TTLL4: variants seen among roughly 807,000 people sequenced by gnomAD.
TTLL4 encodes tubulin monoglutamylase TTLL4.
Under a neutral mutation model 122.7 loss-of-function variants are expected in TTLL4, and 85 were observed. The ratio of observed to expected loss-of-function variants is 0.69; its 90% confidence interval spans 0.58 to 0.83. TTLL4 has a LOEUF of 0.83. Ranked by LOEUF, TTLL4 falls within the 40% of genes least tolerant of loss-of-function variation. The probability of loss-of-function intolerance (pLI) is 0.00; values close to 1 mark genes in which losing one functional copy is unlikely to be tolerated. For synonymous variants in TTLL4, 553 were observed against 563.0 expected (o/e 0.98, Z 0.25); for missense variants, 1,363 against 1,488.6 (o/e 0.92, Z 1.39).
intron 1 of TTLL4, among the ~76,000 whole-genome samples, chr2:218,719,432 T>C (rs1941967958): frequency 6.6e-6 from 1 of 151,992 alleles, no homozygotes; most frequent in Non-Finnish European, 1.5e-5. Context: ...TAAAATATGG[T>C]AAGGATTCAC....
At chr2:218,744,626 T>A (rs1394703511) in intron 5 of TTLL4, among the ~76,000 whole-genome samples, 1 of 152,238 alleles carries the variant, frequency 6.6e-6, no homozygotes, top group Non-Finnish European at 1.5e-5. Flanking sequence ...GAAGTATCAC[T>A]GTTTCTTTTC....
rs559380306 is a variant in TTLL4 at position 218,737,135 on chromosome 2, G to T, written c.-98-444G>T. ...GACTCAAATAATCTTTAATCTTTCAGAATTGATTTATGAGAAGGAAGATAC... is the reference window on the plus strand; with the variant it reads ...GACTCAAATAATCTTTAATCTTTCATAATTGATTTATGAGAAGGAAGATAC... On this transcript the variant is annotated intron_variant, in intron 2 of 19. Coordinates refer to ENST00000392102, the MANE Select transcript of TTLL4 (RefSeq NM_014640.5). Among the ~76,000 whole-genome samples the T allele has an allele frequency of 1.3e-3, 192 of 152,228 alleles. 6 individuals are homozygous for T. The South Asian group carries it at 0.039, about 31-fold the overall frequency.
intron 1 of TTLL4, among the ~76,000 whole-genome samples, chr2:218,721,624 C>T (rs570315693): frequency 2.7e-4 from 41 of 152,238 alleles, no homozygotes; most frequent in African/African-American, 9.4e-4. Context: ...TTAAGAGTGA[C>T]TATGTAAGGG....
chr2:218,732,892 G>A (rs556212239), intron 2 of TTLL4, among the ~76,000 whole-genome samples: 1 of 152,206 alleles, frequency 6.6e-6, no homozygotes, highest in African/African-American at 2.4e-5. Context: ...CTGTCTTAAC[G>A]TGACACTACT....
chr2:218,753,716 A>G, intron 19 of TTLL4, 47 bp downstream of exon 19: 1 of 1,597,010 alleles, frequency 6.3e-7, no homozygotes, highest in Non-Finnish European at 8.6e-7. Flanking sequence ...GTGAGTTTGT[A>G]GAGTTTTCTT....
At chr2:218,745,840 C>T (rs752426104) in intron 7 of TTLL4, 39 bp downstream of exon 7, 2 of 1,565,668 alleles carry the variant, frequency 1.3e-6, no homozygotes, top group Non-Finnish European at 8.8e-7. Context: ...TCCTTTTGCC[C>T]CAAATAGATG....
chr2:218,738,624 A>G lies in TTLL4; in HGVS notation c.948A>G (p.Pro316=). 1.2e-6 allele frequency: 2 copies of G among 1,614,222 alleles called. No homozygotes were observed. The highest frequency in any genetic ancestry group is 1.7e-6 in the Non-Finnish European group (2 of 1,180,038). ...NRNNLAMRAE[P]LSCALDDSSD... ...ATAACTTAGCCATGAGGGCAGAGCC[A>G]CTTTCCTGTGCTCTGGATGACAGCT... Residue 316 remains proline, a synonymous_variant, in exon 3 of 20, where the codon CCA becomes CCG. Coordinates refer to ENST00000392102, the MANE Select transcript of TTLL4 (RefSeq NM_014640.5).
intron 1 of TTLL4, among the ~76,000 whole-genome samples, chr2:218,720,745 A>G (rs931731381): frequency 1.4e-4 from 22 of 152,010 alleles, no homozygotes; most frequent in Non-Finnish European, 2.6e-4. Flanking sequence ...TAAAACCTTC[A>G]GAACTTGTAA....
At chr2:218,717,412 A>G (rs1188194269) in intron 1 of TTLL4, among the ~76,000 whole-genome samples, 3 of 152,174 alleles carry the variant, frequency 2.0e-5, no homozygotes, top group African/African-American at 7.2e-5. Context: ...CCCGAAGCTG[A>G]TAAAGGGCAA....
rs542966175 is a variant in TTLL4 at position 218,713,062 on chromosome 2, G to T, written c.-178+2025G>T. Among the ~76,000 whole-genome samples the T allele has an allele frequency of 5.9e-5, 9 of 152,258 alleles. No homozygotes were observed. The East Asian group carries it at 1.7e-3, about 29-fold the overall frequency. On this transcript the variant is annotated intron_variant, in intron 1 of 19. Transcript: ENST00000392102. ...AAGAGATTTCTTTTAGTTCAGGTGT[G>T]TGTTACTCAGTAAGATAGTTAATAC...
intron 16 of TTLL4, 116 bp downstream of exon 16, chr2:218,751,922 T>TG: frequency 3.1e-6 from 2 of 645,970 alleles, no homozygotes; most frequent in South Asian, 4.5e-5. Context: ...TTTTTTTTTT[T>TG]TTGAGATAGA....
intron 12 of TTLL4, chr2:218,748,527 C>A (rs927030286): frequency 2.3e-5 from 10 of 430,166 alleles, no homozygotes. Flanking sequence ...TGGTGGCAGG[C>A]GCCTACAATC....
chr2:218,738,329 A>G lies in TTLL4; in HGVS notation c.653A>G (p.Asn218Ser). ...PLSSSYKPML[N>S]NNSFMWPNST... ...TCTTCCTCCTATAAGCCCATGCTGA[A>G]TAATAATTCCTTCATGTGGCCAAAT... is the stretch of plus-strand genomic sequence containing the variant. The change falls in exon 3 of 20, where the codon AAT becomes AGT. Residue 218 changes from asparagine (N) to serine (S), a missense_variant. Coordinates refer to ENST00000392102, the MANE Select transcript of TTLL4 (RefSeq NM_014640.5). 2.5e-6 allele frequency: 4 copies of G among 1,614,104 alleles called. No individual in the cohort carries two copies. Among genetic ancestry groups the G allele is most frequent in the South Asian group, 1.1e-5 (1 of 91,088 alleles).
intron 2 of TTLL4, among the ~76,000 whole-genome samples, chr2:218,728,868 G>C (rs1035035178): frequency 4.6e-5 from 7 of 151,526 alleles, no homozygotes; most frequent in African/African-American, 1.7e-4. Flanking sequence ...CTCTCTTCAG[G>C]CACTCTTGAT....
chr2:218,753,720 T>G (rs1269193940), intron 19 of TTLL4, 51 bp downstream of exon 19: 8 of 1,586,358 alleles, frequency 5.0e-6, no homozygotes, highest in Non-Finnish European at 6.9e-6. Flanking sequence ...GTTTGTAGAG[T>G]TTTCTTCCTT....
chr2:218,723,656 G>A (rs757490680), intron 1 of TTLL4, among the ~76,000 whole-genome samples: 2 of 152,122 alleles, frequency 1.3e-5, no homozygotes, highest in African/African-American at 4.8e-5. Flanking sequence ...ATCATCATTA[G>A]TAATAGTACA....
intron 13 of TTLL4, 57 bp downstream of exon 13, chr2:218,748,991 T>G: frequency 6.4e-7 from 1 of 1,560,004 alleles, no homozygotes; most frequent in Non-Finnish European, 8.8e-7. Flanking sequence ...TCCTTTCTCC[T>G]GGGCCTCACA....
chr2:218,726,335 C>T (rs1942192158), intron 1 of TTLL4, among the ~76,000 whole-genome samples: 1 of 152,022 alleles, frequency 6.6e-6, no homozygotes, highest in African/African-American at 2.4e-5. Flanking sequence ...TATTGTTTGC[C>T]CTTGAACCTT....
rs956559565 is a variant in TTLL4 at position 218,739,242 on chromosome 2, C to A, written c.1487+79C>A. 25 of 1,483,070 alleles carry A rather than the reference C, an allele frequency of 1.7e-5. No homozygotes were observed. The Admixed American group carries it at 5.5e-4, about 33-fold the overall frequency. The allele number at this position is 1,483,070 out of a possible 1,614,324, so 91.9% of individuals were successfully genotyped here. ...ATTTGGGGTGGCACCGACCCTGTAC[C>A]TCTGAAGGTTGGTTTTATTTTTTAG... On this transcript the variant is annotated intron_variant, in intron 3 of 19. Coordinates refer to ENST00000392102, the MANE Select transcript of TTLL4 (RefSeq NM_014640.5).
Sources: allele counts gnomAD v4.1 joint callset (sites outside exome capture counted in the v4.1 genomes callset), GRCh38; gene constraint gnomAD v4.1.1; transcripts MANE v1.5; gene names NCBI Gene and HGNC (gene_info 2026-07-23, HGNC 2026-07-21).